EPB41L1: variants seen among roughly 807,000 people sequenced by gnomAD.
EPB41L1 encodes erythrocyte membrane protein band 4.1 like 1.
Under a neutral mutation model 97.8 loss-of-function variants are expected in EPB41L1, and 29 were observed. That is an observed-to-expected ratio of 0.30 (90% confidence interval 0.22 to 0.40). The LOEUF is 0.40. Among genes scored for constraint, EPB41L1 ranks in the 10% least tolerant of loss-of-function variants. EPB41L1 has a pLI of 1.00. For missense variants in EPB41L1, 812 were observed against 1,162.3 expected (o/e 0.70, Z 4.38); for synonymous variants, 383 against 459.2 (o/e 0.83, Z 2.12).
chr20:36,158,061 A>G (rs1179919513), intron 1 of EPB41L1, among the ~76,000 whole-genome samples: 9 of 144,986 alleles, frequency 6.2e-5, no homozygotes, highest in Non-Finnish European at 1.4e-4. Flanking sequence ...TAGATGAGGT[A>G]TAGGAGTTAT....
chr20:36,214,439 T>G lies in EPB41L1; in HGVS notation c.2267T>G (p.Met756Arg), dbSNP rs772533166. 4 of 1,612,364 alleles carry G rather than the reference T, an allele frequency of 2.5e-6. No homozygotes were observed. In the African/African-American group the frequency reaches 5.3e-5, roughly 22 times the overall value. ...SITTETISTT[M>R]ENSLKSGKGA... ...ACCACGGAGACCATATCGACCACCA[T>G]GGTAAGTTGAACCCAGGAGGCTTCC... The change falls in exon 17 of 22, where the codon ATG (methionine) becomes AGG (arginine). Residue 756 changes from methionine to arginine, a missense_variant and splice_region_variant. Coordinates refer to ENST00000338074, the MANE Select transcript of EPB41L1 (RefSeq NM_012156.2).
At chr20:36,128,758 G>A (rs2059073592) in intron 2 of EPB41L1, among the ~76,000 whole-genome samples, 1 of 152,194 alleles carries the variant, frequency 6.6e-6, no homozygotes, top group African/African-American at 2.4e-5. Context: ...GGACTTCTTA[G>A]TTGGCCTTCA....
intron 11 of EPB41L1, among the ~76,000 whole-genome samples, chr20:36,191,669 C>T (rs755460152): frequency 1.9e-4 from 29 of 152,120 alleles, no homozygotes; most frequent in African/African-American, 4.3e-4. Flanking sequence ...GTTCAAATCT[C>T]GGCTTGACAG....
chr20:36,101,525 G>A (rs973532538), intron 1 of EPB41L1, among the ~76,000 whole-genome samples: 3 of 152,088 alleles, frequency 2.0e-5, no homozygotes, highest in African/African-American at 7.2e-5. Flanking sequence ...TGGTGGCTTT[G>A]AAACTTCTAT....
At position 36,231,143 on chromosome 20, in the gene EPB41L1, CTT is replaced by C. The variant is rs2064473097; in HGVS notation, c.*1804_*1805del. On this transcript the variant is annotated 3_prime_UTR_variant, in exon 22 of 22. Coordinates refer to ENST00000338074, the MANE Select transcript of EPB41L1 (RefSeq NM_012156.2). ...TCTCAGTCAACAGCTGAACTCTGAG[CTT>C]GTGCCCAGAAATTACCCCAAGACCA... 1 of 152,248 alleles carries C rather than the reference CTT, an allele frequency of 6.6e-6. No homozygotes were observed. Among genetic ancestry groups the C allele is most frequent in the South Asian group, 2.1e-4 (1 of 4,832 alleles). The allele number at this position is 152,248 out of a possible 1,614,324, so 9.4% of individuals were successfully genotyped here.
chr20:36,157,443 A>G (rs1206617655), intron 1 of EPB41L1, among the ~76,000 whole-genome samples: 1 of 152,216 alleles, frequency 6.6e-6, no homozygotes, highest in Non-Finnish European at 1.5e-5. Flanking sequence ...TCACTGGACT[A>G]AAGTTACGCA....
Position 36,190,384 on chromosome 20 carries a change from A to G in EPB41L1, c.1124+10A>G. On this transcript the variant is annotated intron_variant, in intron 10 of 21. Coordinates refer to ENST00000338074, the MANE Select transcript of EPB41L1 (RefSeq NM_012156.2). This position sits in a 1 kb window ranked among gnomAD's most constrained non-coding sequence, Gnocchi z 5.8. ...ATCATACATTCTTCCGGTGAGCCTG[A>G]CCTTGGATGGGGTAATGGGGATGGG... 14 of 1,613,540 alleles carry G rather than the reference A, an allele frequency of 8.7e-6. No homozygotes were observed. Among genetic ancestry groups the G allele is most frequent in the Non-Finnish European group, 1.1e-5 (13 of 1,179,726 alleles).
At chr20:36,161,043 G>T (rs986721008) in intron 1 of EPB41L1, among the ~76,000 whole-genome samples, 3 of 152,218 alleles carry the variant, frequency 2.0e-5, no homozygotes, top group Non-Finnish European at 4.4e-5. Context: ...GACCGTGAGA[G>T]TTGCCCTCAA....
chr20:36,119,864 C>T (rs1223537932), intron 2 of EPB41L1, among the ~76,000 whole-genome samples: 1 of 152,084 alleles, frequency 6.6e-6, no homozygotes, highest in African/African-American at 2.4e-5. Context: ...CCAGGGCAAG[C>T]CCATTTCAGC....
chr20:36,143,203 G>A (rs1403189810), intron 2 of EPB41L1, among the ~76,000 whole-genome samples: 1 of 151,176 alleles, frequency 6.6e-6, no homozygotes, highest in Non-Finnish European at 1.5e-5. Context: ...GGTGCCATCT[G>A]GGGGCCTCTT....
chr20:36,151,840 G>C (rs1419784783), upstream of EPB41L1: 1 of 152,300 alleles, frequency 6.6e-6, no homozygotes, highest in African/African-American at 2.4e-5. Flanking sequence ...GGTGGCTCAC[G>C]CCTGTAATCC....
chr20:36,143,137 T>TGTG (rs2059704398), intron 2 of EPB41L1, among the ~76,000 whole-genome samples: 3 of 130,710 alleles, frequency 2.3e-5, no homozygotes, highest in Admixed American at 7.7e-5. Context: ...GAGGGTGTGT[T>TGTG]TGTGTGTGTG....
rs935960932 is a variant in EPB41L1, at chr20:36,206,889, A to G, written c.1669-2599A>G. ...AACTGAAGAAGCACCCTCCTCACAG[A>G]GGACAGGGCGTGCATCCCGACCCCC... On this transcript the variant is annotated intron_variant, in intron 14 of 21. Transcript: ENST00000338074. The surrounding 1 kb of genome is among the most constrained non-coding windows in gnomAD (Gnocchi z 5.5). 9.3e-6 allele frequency: 12 copies of G among 1,289,774 alleles called. No individual in the cohort carries two copies. The highest frequency in any genetic ancestry group is 1.2e-5 in the Non-Finnish European group (12 of 988,906). The allele number at this position is 1,289,774 out of a possible 1,614,324, so 79.9% of individuals were successfully genotyped here.
intron 2 of EPB41L1, among the ~76,000 whole-genome samples, chr20:36,115,754 T>C (rs1600381609): frequency 6.6e-6 from 1 of 152,146 alleles, no homozygotes; most frequent in African/African-American, 2.4e-5. Flanking sequence ...TAGCCAGGCG[T>C]GGTGGAGCAT....
chr20:36,192,498 AC>A (rs1233845102), intron 11 of EPB41L1, among the ~76,000 whole-genome samples: 1 of 142,690 alleles, frequency 7.0e-6, no homozygotes, highest in Non-Finnish European at 1.5e-5. Flanking sequence ...CCGCCACTGT[AC>A]TCTAGCCTGG....
intron 13 of EPB41L1, among the ~76,000 whole-genome samples, chr20:36,196,240 A>G (rs1198928643): frequency 2.0e-5 from 3 of 152,166 alleles, no homozygotes; most frequent in Non-Finnish European, 2.9e-5. Flanking sequence ...AATTCCCCTC[A>G]GGCCCCAGTC....
At chr20:36,138,359 A>G (rs894336435) in intron 2 of EPB41L1, among the ~76,000 whole-genome samples, 1 of 148,958 alleles carries the variant, frequency 6.7e-6, no homozygotes, top group Non-Finnish European at 1.5e-5. Context: ...TCTGCCTCCC[A>G]GGTTCAAGCA....
chr20:36,116,568 T>G (rs2058590592), intron 2 of EPB41L1, among the ~76,000 whole-genome samples: 1 of 152,120 alleles, frequency 6.6e-6, no homozygotes, highest in Non-Finnish European at 1.5e-5. Flanking sequence ...TTCCTGGTGG[T>G]GAATGGCAGG....
intron 2 of EPB41L1, among the ~76,000 whole-genome samples, chr20:36,139,367 A>G (rs1377857924): frequency 1.3e-5 from 2 of 152,230 alleles, no homozygotes; most frequent in Non-Finnish European, 2.9e-5. Flanking sequence ...CGAGTTTTAT[A>G]AGTTCAAGCC....
Sources: gnomAD v4.1 joint callset for allele counts (sites outside exome capture counted in the v4.1 genomes callset) on GRCh38, gnomAD v4.1.1 for gene constraint, Gnocchi (gnomAD v3.1) non-coding constraint, MANE v1.5 for transcripts, NCBI Gene and HGNC (gene_info 2026-07-23, HGNC 2026-07-21) for gene names.